ASB3: variants seen among roughly 807,000 people sequenced by gnomAD.
The protein encoded by ASB3 is ankyrin repeat and SOCS box protein 3.
A neutral mutation model predicts 54.5 loss-of-function variants in ASB3; 41 were observed. The observed-to-expected ratio is 0.75, with a 90% CI of 0.59 to 0.98. The LOEUF (loss-of-function observed/expected upper bound fraction) is 0.98, where lower values mean the gene tolerates loss of function less well. Among genes scored for constraint, ASB3 ranks in the 50% least tolerant of loss-of-function variants. The pLI is 0.00. For synonymous variants in ASB3, 266 were observed against 221.2 expected, an observed-to-expected ratio of 1.20 and a Z score of -1.80; for missense variants, 733 against 620.0, an observed-to-expected ratio of 1.18 and a Z score of -1.94.
At chr2:53,780,579 G>A (rs768444014) in intron 1 of ASB3, among the ~76,000 whole-genome samples, 2 of 152,128 alleles carry the variant, frequency 1.3e-5, no homozygotes, top group Non-Finnish European at 2.9e-5. Flanking sequence ...AGTAGTTTGA[G>A]ACCAGCCTGG....
intron 9 of ASB3, among the ~76,000 whole-genome samples, chr2:53,672,061 A>G (rs1265140060): frequency 6.6e-6 from 1 of 152,182 alleles, no homozygotes. Context: ...AACATCTTCA[A>G]TATCTTCCAA....
chr2:53,771,572 C>T (rs964261325), intron 1 of ASB3, among the ~76,000 whole-genome samples: 7 of 151,984 alleles, frequency 4.6e-5, no homozygotes, highest in Admixed American at 6.6e-5. Context: ...AAGGGAAAAA[C>T]CAGAATATTT....
intron 7 of ASB3, among the ~76,000 whole-genome samples, chr2:53,705,105 G>A (rs893664927): frequency 6.6e-6 from 1 of 152,042 alleles, no homozygotes; most frequent in Non-Finnish European, 1.5e-5. Context: ...CTATTTTATA[G>A]AATAAGGTGT....
At chr2:53,779,325 A>G (rs953092255) in intron 1 of ASB3, among the ~76,000 whole-genome samples, 2 of 152,176 alleles carry the variant, frequency 1.3e-5, no homozygotes, top group African/African-American at 4.8e-5. Context: ...TTTCCTCCCA[A>G]TCCATAGGAT....
At chr2:53,754,186 T>A (rs1410358598) in intron 2 of ASB3, among the ~76,000 whole-genome samples, 1 of 152,208 alleles carries the variant, frequency 6.6e-6, no homozygotes, top group South Asian at 2.1e-4. Flanking sequence ...TATTGGATTG[T>A]AACCTAAAGT....
chr2:53,750,227 A>G (rs1359900023), intron 3 of ASB3, among the ~76,000 whole-genome samples: 1 of 152,154 alleles, frequency 6.6e-6, no homozygotes, highest in Non-Finnish European at 1.5e-5. Flanking sequence ...ATCGAATAGA[A>G]AAAAGGAGGA....
At chr2:53,733,448 T>C (rs534053125) in intron 3 of ASB3, among the ~76,000 whole-genome samples, 41 of 147,890 alleles carry the variant, frequency 2.8e-4, no homozygotes, top group African/African-American at 9.8e-4. Context: ...CCACTTCCTT[T>C]TTTTTTTTTT....
intron 1 of ASB3, chr2:53,768,137 C>T: frequency 8.3e-7 from 1 of 1,209,874 alleles, no homozygotes. Flanking sequence ...GGCCAAAGCA[C>T]ATGGCTTGGG....
chr2:53,764,602 T>C (rs1282407620), intron 2 of ASB3, among the ~76,000 whole-genome samples: 1 of 152,228 alleles, frequency 6.6e-6, no homozygotes, highest in African/African-American at 2.4e-5. Flanking sequence ...CTTTAGTCAA[T>C]GACCTTCACT....
intron 3 of ASB3, among the ~76,000 whole-genome samples, chr2:53,742,919 T>A (rs1270852027): frequency 2.0e-5 from 3 of 151,996 alleles, no homozygotes; most frequent in Non-Finnish European, 4.4e-5. Flanking sequence ...ATTTAAAATA[T>A]CCAAGTCTAC....
intron 5 of ASB3, among the ~76,000 whole-genome samples, chr2:53,719,706 G>GT (rs1239952645): frequency 6.6e-6 from 1 of 152,122 alleles, no homozygotes; most frequent in Non-Finnish European, 1.5e-5. Flanking sequence ...TACTTAGCCT[G>GT]TAAGAGAAAG....
intron 7 of ASB3, among the ~76,000 whole-genome samples, chr2:53,708,768 C>T (rs1669931135): frequency 6.6e-6 from 1 of 152,164 alleles, no homozygotes; most frequent in African/African-American, 2.4e-5. Flanking sequence ...GCACTGTGCC[C>T]CTGCTCTGGG....
chr2:53,758,679 G>C (rs958382613), intron 2 of ASB3, among the ~76,000 whole-genome samples: 1 of 152,176 alleles, frequency 6.6e-6, no homozygotes, highest in Non-Finnish European at 1.5e-5. Context: ...ATTGGTGAGT[G>C]TAACTAATCC....
At chr2:53,761,895 A>C (rs939428108) in intron 2 of ASB3, among the ~76,000 whole-genome samples, 1 of 152,250 alleles carries the variant, frequency 6.6e-6, no homozygotes, top group African/African-American at 2.4e-5. Context: ...ACTAGTTATA[A>C]CAGCAAAACT....
rs577729625 is a variant in ASB3, at chr2:53,764,938, G to T, written c.196+439C>A. Among the ~76,000 whole-genome samples the T allele has an allele frequency of 1.6e-4, 25 of 152,268 alleles. No individual in the cohort carries two copies. In the South Asian group the frequency reaches 5.2e-3, roughly 32 times the overall value. ...AAAGCATCAGGAAGGCAGGCATCTT[G>T]TTTCATGCTAAGTAGTTGTAAAAAT... On this transcript the variant is annotated intron_variant, in intron 2 of 9. Transcript: ENST00000263634.
chr2:53,712,075 T>C (rs1022341846), intron 7 of ASB3, among the ~76,000 whole-genome samples: 7 of 152,108 alleles, frequency 4.6e-5, no homozygotes, highest in Admixed American at 4.6e-4. Flanking sequence ...AATACAACTT[T>C]GGAGTACTTG....
At chr2:53,719,216 C>T (rs1670564673) in intron 5 of ASB3, among the ~76,000 whole-genome samples, 1 of 152,138 alleles carries the variant, frequency 6.6e-6, no homozygotes, top group Non-Finnish European at 1.5e-5. Flanking sequence ...AGCCACCACG[C>T]CCAACCAGGG....
intron 1 of ASB3, among the ~76,000 whole-genome samples, chr2:53,781,434 A>T (rs1404137029): frequency 6.6e-6 from 1 of 150,388 alleles, no homozygotes; most frequent in Admixed American, 6.6e-5. Flanking sequence ...AAAAAGTGAG[A>T]GATGGTAGTT....
chr2:53,749,066 G>C (rs77662424), intron 3 of ASB3, among the ~76,000 whole-genome samples: 2,361 of 152,074 alleles, frequency 0.016, 22 homozygotes, highest in South Asian at 0.035. Context: ...AAGAAAATCT[G>C]GGTGAAAAGT....
Sources: allele counts gnomAD v4.1 joint callset (sites outside exome capture counted in the v4.1 genomes callset), GRCh38; gene constraint gnomAD v4.1.1; transcripts MANE v1.5; gene names NCBI Gene and HGNC (gene_info 2026-07-23, HGNC 2026-07-21).